The following FBLN1 variants were observed in gnomAD, a reference collection of about 807,000 sequenced individuals.
FBLN1 encodes fibulin-1.
Under a neutral mutation model 89.7 loss-of-function variants are expected in FBLN1, and 34 were observed. That is an observed-to-expected ratio of 0.38 (90% CI 0.29 to 0.50). The LOEUF is 0.50. Among genes scored for constraint, FBLN1 ranks in the 20% least tolerant of loss-of-function variants. FBLN1 has a pLI of 0.92. For missense variants in FBLN1, 777 were observed against 988.1 expected (o/e 0.79, Z 2.86); for synonymous variants, 393 against 391.3 (o/e 1.00, Z -0.05).
Position 45,573,821 on chromosome 22 carries a change from C to T in FBLN1, c.1698-690C>T, listed in dbSNP as rs768698959. The stretch of plus-strand genomic sequence containing the variant: ...GGCTGGCCAAGTTCTCTTTCTTGAC[C>T]TGGGTGGTGATTATAAAGGCGTTTG... On this transcript the variant is annotated intron_variant, in intron 14 of 16. Coordinates refer to ENST00000327858, the MANE Select transcript of FBLN1 (RefSeq NM_006486.3). Among the ~76,000 whole-genome samples the T allele has an allele frequency of 3.5e-4, 53 of 152,154 alleles. 1 individual carries two copies. Among genetic ancestry groups the T allele is most frequent in the Admixed American group, 7.9e-4 (12 of 15,268 alleles).
intron 16 of FBLN1, among the ~76,000 whole-genome samples, chr22:45,589,905 C>T (rs950371784): frequency 5.3e-5 from 8 of 152,164 alleles, no homozygotes; most frequent in Non-Finnish European, 1.0e-4. Context: ...AAGGTTAACC[C>T]GTTGGGGAAG....
At position 45,548,118 on chromosome 22, in the gene FBLN1, G is replaced by A. The variant is rs553963312; in HGVS notation, c.1442-495G>A. Among the ~76,000 whole-genome samples, 7 of 152,192 alleles carry A rather than the reference G, an allele frequency of 4.6e-5. No individual in the cohort carries two copies. In the East Asian group the frequency reaches 9.7e-4, roughly 21 times the overall value. Reference sequence around the variant, plus strand: ...GGTTGGAGGGCAGTGGTACAAACACGGCTCACTGCAGCCTCCATCTCCTGG... The same window carrying A: ...GGTTGGAGGGCAGTGGTACAAACACAGCTCACTGCAGCCTCCATCTCCTGG... On this transcript the variant is annotated intron_variant, in intron 12 of 16. Transcript: ENST00000327858.
rs2147031042 is a variant in FBLN1 at position 45,578,742 on chromosome 22, C to G, written c.1972+1634C>G. On this transcript the variant is annotated intron_variant, in intron 16 of 16. Transcript: ENST00000327858. The surrounding 1 kb of genome is among the most constrained non-coding windows in gnomAD (Gnocchi z 4.6). Reference sequence around the variant, plus strand: ...CTTGATGCTGGGCCTGCAGTTGTGGCTGGGACATGGCCCTCAGGTGATTTC... The same window carrying G: ...CTTGATGCTGGGCCTGCAGTTGTGGGTGGGACATGGCCCTCAGGTGATTTC... Among the ~76,000 whole-genome samples, 1 of 152,382 alleles carries G rather than the reference C, an allele frequency of 6.6e-6. No individual in the cohort carries two copies. The highest frequency in any genetic ancestry group is 2.1e-4 in the South Asian group (1 of 4,834).
chr22:45,568,427 AG>A, intron 14 of FBLN1, among the ~76,000 whole-genome samples: 1 of 107,552 alleles, frequency 9.3e-6, no homozygotes, highest in Admixed American at 9.3e-5. Context: ...TCTGTAGGGG[AG>A]TGCTCCTTCT....
intron 1 of FBLN1, among the ~76,000 whole-genome samples, chr22:45,509,137 C>T (rs2088065088): frequency 6.6e-6 from 1 of 152,054 alleles, no homozygotes; most frequent in Non-Finnish European, 1.5e-5. Context: ...GCAGAGGATG[C>T]ATGACAGGTG....
chr22:45,555,779 CAAT>C (rs1033946906), intron 14 of FBLN1, among the ~76,000 whole-genome samples: 4 of 152,230 alleles, frequency 2.6e-5, no homozygotes, highest in South Asian at 2.1e-4. Flanking sequence ...CAAATAAAGA[CAAT>C]AATAAGATCA....
chr22:45,536,675 G>A lies in FBLN1; in HGVS notation c.922+1338G>A, dbSNP rs2088486175. On this transcript the variant is annotated intron_variant, in intron 8 of 16. Transcript: ENST00000327858. This position sits in a 1 kb window ranked among gnomAD's most constrained non-coding sequence, Gnocchi z 5.1. ...AGCTGCTTAGGAGGCTGAGGCAGCAGAATCGCTTGAGCCTGGGAGGCAGAG... is the reference window on the plus strand; with the variant it reads ...AGCTGCTTAGGAGGCTGAGGCAGCAAAATCGCTTGAGCCTGGGAGGCAGAG... 6.6e-6 allele frequency among the ~76,000 whole-genome samples: 1 copy of A among 152,046 alleles called. No homozygotes were observed. The highest frequency in any genetic ancestry group is 1.5e-5 in the Non-Finnish European group (1 of 68,020).
chr22:45,551,144 C>G (rs1014282057), intron 14 of FBLN1: 1 of 228,160 alleles, frequency 4.4e-6, no homozygotes, highest in East Asian at 1.0e-4. Context: ...GGGCTGCGTG[C>G]CCCTATGTCT....
chr22:45,562,951 C>T lies in FBLN1; in HGVS notation c.1698-11560C>T, dbSNP rs1409497386. On this transcript the variant is annotated intron_variant, in intron 14 of 16. Transcript: ENST00000327858. This position sits in a 1 kb window ranked among gnomAD's most constrained non-coding sequence, Gnocchi z 7.8. ...TGCCTTGCCATGAGAATCGGGAGTGCTCCAAGCTGCCTCTGAGAATAACCT... is the reference window on the plus strand; with the variant it reads ...TGCCTTGCCATGAGAATCGGGAGTGTTCCAAGCTGCCTCTGAGAATAACCT... 2.5e-6 allele frequency: 4 copies of T among 1,614,082 alleles called. No homozygotes were observed. Among genetic ancestry groups the T allele is most frequent in the Non-Finnish European group, 3.4e-6 (4 of 1,180,026 alleles).
chr22:45,508,410 C>T lies in FBLN1; in HGVS notation c.79+5346C>T, dbSNP rs142186685. On this transcript the variant is annotated intron_variant, in intron 1 of 16. Coordinates refer to ENST00000327858, the MANE Select transcript of FBLN1 (RefSeq NM_006486.3). ...CCAAGTAGCTGGGATTACAGGTGCC[C>T]GCCACCACGCCTGGCTAATTTTTTG... 3.0e-3 allele frequency among the ~76,000 whole-genome samples: 448 copies of T among 151,626 alleles called. 15 individuals are homozygous for T. In the East Asian group the frequency reaches 0.067, roughly 23 times the overall value.
chr22:45,522,175 G>A lies in FBLN1; in HGVS notation c.186-3368G>A, dbSNP rs533851664. 7.7e-4 allele frequency among the ~76,000 whole-genome samples: 117 copies of A among 152,046 alleles called. 1 individual carries two copies. Among genetic ancestry groups the A allele is most frequent in the African/African-American group, 2.6e-3 (108 of 41,484 alleles). On this transcript the variant is annotated intron_variant, in intron 2 of 16. Transcript: ENST00000327858. ...TAATTTTGGTATTTTTAGTAGAGAC[G>A]GGAGTTTCACCATGTTGGCCAGGCT... is the stretch of plus-strand genomic sequence containing the variant.
In FBLN1 at chr22:45,508,286, C is replaced by CTTTTTTTTTTTTTTTTTTTTT. The variant is rs1350335831; in HGVS notation, c.79+5231_79+5232insTTTTTTTTTTTTTTTTTTTTT. 3.9e-5 allele frequency among the ~76,000 whole-genome samples: 5 copies of CTTTTTTTTTTTTTTTTTTTTT among 129,126 alleles called. 1 individual carries two copies. The highest frequency in any genetic ancestry group is 8.7e-5 in the African/African-American group (3 of 34,668). 84.7% of individuals were successfully genotyped at this position (129,126 alleles called of 152,430 possible). A position where few individuals can be genotyped will look rare whatever the true frequency, so the allele number is the denominator to read the frequency against. On this transcript the variant is annotated intron_variant, in intron 1 of 16. Coordinates refer to ENST00000327858, the MANE Select transcript of FBLN1 (RefSeq NM_006486.3). ...CAGCACACTGGACAGCCTCGCGTAT[C>CTTTTTTTTTTTTTTTTTTTTT]TTTTTTTTTGAGACGGAGTCTTGCA...
chr22:45,533,432 T>C (rs1242576034), intron 6 of FBLN1, among the ~76,000 whole-genome samples: 1 of 152,182 alleles, frequency 6.6e-6, no homozygotes, highest in Non-Finnish European at 1.5e-5. Context: ...ATCTGCTGAG[T>C]GGCCTTGGGC....
At position 45,582,598 on chromosome 22, in the gene FBLN1, C is replaced by T. The variant is rs527430515; in HGVS notation, c.1972+5490C>T. Among the ~76,000 whole-genome samples, 8 of 152,310 alleles carry T rather than the reference C, an allele frequency of 5.3e-5. No individual in the cohort carries two copies. The South Asian group carries it at 1.0e-3, about 20-fold the overall frequency. ...ATGATTCCCCAGTGACAGCCACAGC[C>T]GCACCTGGTGCAGATAGATGCTGGG... On this transcript the variant is annotated intron_variant, in intron 16 of 16. Coordinates refer to ENST00000327858, the MANE Select transcript of FBLN1 (RefSeq NM_006486.3).
intron 14 of FBLN1, chr22:45,564,873 A>G: frequency 6.2e-7 from 1 of 1,613,680 alleles, no homozygotes; most frequent in Non-Finnish European, 8.5e-7. Flanking sequence ...CTGTGCTGAC[A>G]CTGTTTCCAG....
intron 1 of FBLN1, chr22:45,503,621 C>G (rs934058622): frequency 6.6e-6 from 1 of 152,490 alleles, no homozygotes. Flanking sequence ...AGCCAGGGAG[C>G]AGCCTGGAGG....
rs991457907 is a variant in FBLN1 at position 45,597,551 on chromosome 22, G to A, written c.1973-2756G>A. 5.3e-5 allele frequency among the ~76,000 whole-genome samples: 8 copies of A among 152,176 alleles called. 1 individual carries two copies. Among genetic ancestry groups the A allele is most frequent in the Admixed American group, 4.6e-4 (7 of 15,278 alleles). On this transcript the variant is annotated intron_variant, in intron 16 of 16. Coordinates refer to ENST00000327858, the MANE Select transcript of FBLN1 (RefSeq NM_006486.3). The surrounding 1 kb of genome is among the most constrained non-coding windows in gnomAD (Gnocchi z 4.2). ...ACATACAGGGGGCCCACGGGGGTAC[G>A]TTAGGTTCAGCCCTGTAAGCCCACA...
Position 45,562,862 on chromosome 22 carries a change from C to T in FBLN1, c.1698-11649C>T. 1 of 1,576,208 alleles carries T rather than the reference C, an allele frequency of 6.3e-7. No individual in the cohort carries two copies. The highest frequency in any genetic ancestry group is 8.7e-7 in the Non-Finnish European group (1 of 1,151,836). ...CCGCGCTCTGCCGTTTCTCCGCTTG[C>T]TGGACCGGCCCTAACCCTCTTCTTG... On this transcript the variant is annotated intron_variant, in intron 14 of 16. Coordinates refer to ENST00000327858, the MANE Select transcript of FBLN1 (RefSeq NM_006486.3). This position sits in a 1 kb window ranked among gnomAD's most constrained non-coding sequence, Gnocchi z 7.8.
rs1386789876 is a variant in FBLN1 at position 45,590,258 on chromosome 22, T to A, written c.1973-10049T>A. On this transcript the variant is annotated intron_variant, in intron 16 of 16. Transcript: ENST00000327858. This position sits in a 1 kb window ranked among gnomAD's most constrained non-coding sequence, Gnocchi z 4.1. ...CATCCCTCCAGACCTTCATTGCATC[T>A]GTAGAAAGAGGCAGAGTAGCCTTCA... Among the ~76,000 whole-genome samples, 1 of 152,198 alleles carries A rather than the reference T, an allele frequency of 6.6e-6. No homozygotes were observed. The highest frequency in any genetic ancestry group is 2.4e-5 in the African/African-American group (1 of 41,450).
Sources: allele counts gnomAD v4.1 joint callset (sites outside exome capture counted in the v4.1 genomes callset), GRCh38; gene constraint gnomAD v4.1.1; non-coding constraint Gnocchi (gnomAD v3.1); transcripts MANE v1.5; gene names NCBI Gene and HGNC (gene_info 2026-07-23, HGNC 2026-07-21).